Variants in FBXO42 observed in about 807,000 individuals in gnomAD.
The protein encoded by FBXO42 is F-box only protein 42.
FBXO42 carries 12 observed loss-of-function variants against 71.7 expected under a neutral mutation model. That is an observed-to-expected ratio of 0.17 (90% confidence interval 0.11 to 0.27). FBXO42 has a LOEUF of 0.27. Ranked by LOEUF, FBXO42 falls within the 10% of genes least tolerant of loss-of-function variation. FBXO42 has a pLI of 1.00. For missense variants in FBXO42, 707 were observed against 911.9 expected (o/e 0.78, Z 2.89); for synonymous variants, 325 against 327.5 (o/e 0.99, Z 0.08).
intron 4 of FBXO42, among the ~76,000 whole-genome samples, chr1:16,271,060 G>A (rs1384068020): frequency 6.6e-6 from 1 of 152,064 alleles, no homozygotes; most frequent in Non-Finnish European, 1.5e-5. Flanking sequence ...GCAGGTAAAG[G>A]AGAGAGTCAC....
chr1:16,314,654 G>A (rs2082345363), intron 2 of FBXO42, among the ~76,000 whole-genome samples: 1 of 152,204 alleles, frequency 6.6e-6, no homozygotes. Flanking sequence ...GGACGCTGAG[G>A]CGGGCGGATC....
chr1:16,310,234 A>C lies in FBXO42; in HGVS notation c.251-4315T>G, dbSNP rs1033389775. On this transcript the variant is annotated intron_variant, in intron 2 of 9. Coordinates refer to ENST00000375592, the MANE Select transcript of FBXO42 (RefSeq NM_018994.3). ...AAATTAGCCGGGCGTAGTAGCATGC[A>C]CCTGTAATCCCAGCTACTTGGGAGG... 7.3e-5 allele frequency among the ~76,000 whole-genome samples: 11 copies of C among 150,748 alleles called. No individual in the cohort carries two copies. The East Asian group carries it at 1.6e-3, about 21-fold the overall frequency.
chr1:16,336,041 G>A (rs144809854), intron 1 of FBXO42, among the ~76,000 whole-genome samples: 3,601 of 151,092 alleles, frequency 0.024, 142 homozygotes, highest in African/African-American at 0.082. Flanking sequence ...GGGTTCAAGC[G>A]ATTCTCCTGC....
intron 1 of FBXO42, among the ~76,000 whole-genome samples, chr1:16,347,683 C>T (rs556133243): frequency 4.6e-4 from 70 of 152,038 alleles, no homozygotes; most frequent in African/African-American, 1.6e-3. Flanking sequence ...GTTGAAACCC[C>T]ATCTTTACTA....
chr1:16,330,928 G>A (rs1278294113), intron 1 of FBXO42, among the ~76,000 whole-genome samples: 1 of 151,780 alleles, frequency 6.6e-6, no homozygotes, highest in Admixed American at 6.6e-5. Context: ...AGCAACAAGA[G>A]CAAGACTCTG....
rs571025997 is a variant in FBXO42, at chr1:16,275,819, G to A, written c.502+18964C>T. Reference sequence around the variant, plus strand: ...AGGTCAGGAGTTGGAGACCAGCCTGGCCAACATGGCAAAACCCCGTCTCTA... The same window carrying A: ...AGGTCAGGAGTTGGAGACCAGCCTGACCAACATGGCAAAACCCCGTCTCTA... On this transcript the variant is annotated intron_variant, in intron 4 of 9. Coordinates refer to ENST00000375592, the MANE Select transcript of FBXO42 (RefSeq NM_018994.3). Among the ~76,000 whole-genome samples the A allele has an allele frequency of 2.0e-5, 3 of 151,980 alleles. No individual in the cohort carries two copies. In the South Asian group the frequency reaches 6.2e-4, roughly 32 times the overall value.
intron 3 of FBXO42, among the ~76,000 whole-genome samples, chr1:16,303,917 T>A (rs1205679762): frequency 3.3e-5 from 5 of 151,766 alleles, no homozygotes; most frequent in African/African-American, 7.3e-5. Flanking sequence ...GGGTAATTTT[T>A]TATATATATA....
intron 4 of FBXO42, among the ~76,000 whole-genome samples, chr1:16,279,443 A>C (rs1244194094): frequency 3.3e-5 from 5 of 152,204 alleles, no homozygotes; most frequent in Non-Finnish European, 7.3e-5. Flanking sequence ...TCTCTTGAAA[A>C]GCAAACAAAC....
Position 16,252,151 on chromosome 1 carries a change from A to T in FBXO42, c.1038+137T>A, listed in dbSNP as rs2081598902. ...TTTAGTGAGAAATGCCAAAGGAGCT[A>T]TGGCTAATGTTCACCTCTTTTGTGA... On this transcript the variant is annotated intron_variant, in intron 9 of 9. Coordinates refer to ENST00000375592, the MANE Select transcript of FBXO42 (RefSeq NM_018994.3). The surrounding 1 kb of genome is among the most constrained non-coding windows in gnomAD (Gnocchi z 4.4). The T allele has an allele frequency of 1.4e-6, 1 of 711,432 alleles. No individual in the cohort carries two copies. The highest frequency in any genetic ancestry group is 2.4e-6 in the Non-Finnish European group (1 of 411,600). 44.1% of individuals were successfully genotyped at this position (711,432 alleles called of 1,614,324 possible). A position where few individuals can be genotyped will look rare whatever the true frequency, so the allele number is the denominator to read the frequency against.
chr1:16,250,632 A>G lies in FBXO42; in HGVS notation c.*38T>C. 1 of 1,573,952 alleles carries G rather than the reference A, an allele frequency of 6.4e-7. No homozygotes were observed. The highest frequency in any genetic ancestry group is 8.6e-7 in the Non-Finnish European group (1 of 1,160,266). On this transcript the variant is annotated 3_prime_UTR_variant, in exon 10 of 10. Transcript: ENST00000375592. This position sits in a 1 kb window ranked among gnomAD's most constrained non-coding sequence, Gnocchi z 4.7. ...ATGCTTACACACTGGAAAATTCCAA[A>G]TTAAAAGCCACAGAAAAGGAAAGGG...
At chr1:16,265,670 AAG>A (rs1278039264) in intron 4 of FBXO42, among the ~76,000 whole-genome samples, 2 of 152,104 alleles carry the variant, frequency 1.3e-5, no homozygotes, top group African/African-American at 2.4e-5. Flanking sequence ...GAAAAAAAAA[AAG>A]GCAAATTCCA....
chr1:16,261,941 T>C (rs1313321688), intron 4 of FBXO42, among the ~76,000 whole-genome samples: 1 of 152,136 alleles, frequency 6.6e-6, no homozygotes, highest in Non-Finnish European at 1.5e-5. Context: ...CTCGATCTCC[T>C]GACCTTGTGA....
At chr1:16,326,311 C>T (rs1349667071) in intron 1 of FBXO42, among the ~76,000 whole-genome samples, 1 of 151,548 alleles carries the variant, frequency 6.6e-6, no homozygotes, top group Non-Finnish European at 1.5e-5. Context: ...CTGCCTGGGC[C>T]TCCCAAAGTG....
At chr1:16,281,270 C>G (rs180785071) in intron 4 of FBXO42, among the ~76,000 whole-genome samples, 3 of 152,066 alleles carry the variant, frequency 2.0e-5, no homozygotes, top group Non-Finnish European at 4.4e-5. Context: ...CCTCGGTTTC[C>G]TCATTTGTAA....
intron 2 of FBXO42, among the ~76,000 whole-genome samples, chr1:16,306,463 A>C (rs1483301768): frequency 6.6e-6 from 1 of 152,020 alleles, no homozygotes; most frequent in Non-Finnish European, 1.5e-5. Flanking sequence ...AAATTAGCTC[A>C]CACTGTAACT....
chr1:16,255,641 C>G, intron 6 of FBXO42, 70 bp downstream of exon 6: 1 of 1,334,514 alleles, frequency 7.5e-7, no homozygotes, highest in Non-Finnish European at 1.0e-6. Flanking sequence ...GTCCCTAATT[C>G]ACTTTTAAAC....
intron 4 of FBXO42, among the ~76,000 whole-genome samples, chr1:16,288,216 G>C (rs368613669): frequency 2.6e-4 from 40 of 151,974 alleles, no homozygotes; most frequent in African/African-American, 8.4e-4. Flanking sequence ...CGGATCACGA[G>C]GTCAAGAGAT....
At chr1:16,350,757 A>AGAAAAGAAAG (rs1553156684) in intron 1 of FBXO42, among the ~76,000 whole-genome samples, 2 of 44,248 alleles carry the variant, frequency 4.5e-5, no homozygotes, top group Non-Finnish European at 8.2e-5. Context: ...AAAAAAAAAA[A>AGAAAAGAAAG]AAAGAAAGAA....
intron 4 of FBXO42, among the ~76,000 whole-genome samples, chr1:16,271,705 T>C (rs976153663): frequency 1.6e-4 from 24 of 152,164 alleles, no homozygotes; most frequent in African/African-American, 5.1e-4. Context: ...ACAGCCTTTT[T>C]TCAATGGCTA....
Sources: allele counts gnomAD v4.1 joint callset (sites outside exome capture counted in the v4.1 genomes callset), GRCh38; gene constraint gnomAD v4.1.1; non-coding constraint Gnocchi (gnomAD v3.1); transcripts MANE v1.5; gene names NCBI Gene and HGNC (gene_info 2026-07-23, HGNC 2026-07-21).